Variants in CERS5 observed in about 807,000 individuals in gnomAD.
The protein encoded by CERS5 is LAG1 homolog, ceramide synthase 5.
Under a neutral mutation model 58.9 loss-of-function variants are expected in CERS5, and 37 were observed. The observed-to-expected ratio is 0.63, with a 90% CI of 0.48 to 0.83. The LOEUF (loss-of-function observed/expected upper bound fraction) is 0.83. CERS5 is among the 40% of genes least tolerant of loss of function. The pLI is 0.00. For synonymous variants in CERS5, 147 were observed against 177.8 expected (o/e 0.83, Z 1.38); for missense variants, 398 against 489.3 (o/e 0.81, Z 1.76).
At chr12:50,147,132 G>A (rs947467551) in intron 1 of CERS5, among the ~76,000 whole-genome samples, 4 of 151,590 alleles carry the variant, frequency 2.6e-5, no homozygotes, top group Admixed American at 6.6e-5. Flanking sequence ...GGCCAGGCGC[G>A]GTGGCTCATG....
intron 1 of CERS5, among the ~76,000 whole-genome samples, chr12:50,145,464 T>TG (rs1490590452): frequency 1.3e-5 from 2 of 152,112 alleles, no homozygotes; most frequent in African/African-American, 4.8e-5. Flanking sequence ...AGGTGTAAAA[T>TG]GGAGTGCCGT....
intron 1 of CERS5, chr12:50,147,344 A>C (rs6580728): frequency 6.7e-6 from 1 of 150,370 alleles, no homozygotes. Flanking sequence ...CGGAAATTAC[A>C]ATGAGCTGAG....
At chr12:50,136,593 A>T (rs909948644) in intron 6 of CERS5, among the ~76,000 whole-genome samples, 1 of 152,232 alleles carries the variant, frequency 6.6e-6, no homozygotes, top group African/African-American at 2.4e-5. Flanking sequence ...CAGAGGCCAG[A>T]AAGTAAAAAT....
At chr12:50,160,959 A>G (rs1939213395) in intron 1 of CERS5, among the ~76,000 whole-genome samples, 1 of 152,236 alleles carries the variant, frequency 6.6e-6, no homozygotes, top group Admixed American at 6.5e-5. Flanking sequence ...GTGAAATTTA[A>G]CAACAGAAAC....
rs190007720 is a variant in CERS5, at chr12:50,131,286, C to T, written c.1030-592G>A. Among the ~76,000 whole-genome samples, 441 of 152,194 alleles carry T rather than the reference C, an allele frequency of 2.9e-3. 3 individuals carry two copies. The highest frequency in any genetic ancestry group is 0.01 in the African/African-American group (425 of 41,526). On this transcript the variant is annotated intron_variant, in intron 9 of 9. Coordinates refer to ENST00000317551, the MANE Select transcript of CERS5 (RefSeq NM_147190.5). ...TGAAACTTCAGCATCCCTGGCTGGG[C>T]GTGGTGGCTCACGCCTGTAATCCCA...
At chr12:50,134,813 TC>T in intron 8 of CERS5, 111 bp from the exon 9 acceptor site, 1 of 959,552 alleles carries the variant, frequency 1.0e-6, no homozygotes, top group Non-Finnish European at 1.6e-6. Context: ...AGCCCTTTTA[TC>T]AGCTGAAGTT....
intron 9 of CERS5, among the ~76,000 whole-genome samples, chr12:50,131,327 G>A (rs936508987): frequency 6.6e-6 from 1 of 152,032 alleles, no homozygotes; most frequent in South Asian, 2.1e-4. Flanking sequence ...TTGGGAGGCC[G>A]AGGCAGGCGG....
chr12:50,139,665 TTCCTGTAG>T (rs1404751858), intron 4 of CERS5, among the ~76,000 whole-genome samples: 3 of 151,974 alleles, frequency 2.0e-5, no homozygotes, highest in Non-Finnish European at 4.4e-5. Context: ...TGGTGGCGTA[TTCCTGTAG>T]TCCCAGCTAC....
chr12:50,138,299 A>C (rs1951792862), intron 5 of CERS5, among the ~76,000 whole-genome samples: 1 of 151,960 alleles, frequency 6.6e-6, no homozygotes, highest in Non-Finnish European at 1.5e-5. Flanking sequence ...TTTTAGCCCA[A>C]TTAGGGGGAA....
intron 6 of CERS5, 60 bp from the exon 7 acceptor site, chr12:50,136,129 A>C: frequency 7.1e-7 from 1 of 1,405,824 alleles, no homozygotes; most frequent in Non-Finnish European, 9.4e-7. Flanking sequence ...ACACCAGCCA[A>C]CCCAACGTCC....
chr12:50,151,601 A>G (rs1937965493), intron 1 of CERS5, among the ~76,000 whole-genome samples: 1 of 152,280 alleles, frequency 6.6e-6, no homozygotes, highest in East Asian at 1.9e-4. Context: ...TAAACTTACT[A>G]AAGAGGATTC....
Position 50,130,467 on chromosome 12 carries a change from A to C in CERS5, c.*78T>G, listed in dbSNP as rs1385626130. 6.9e-6 allele frequency: 9 copies of C among 1,302,068 alleles called. No individual in the cohort carries two copies. The African/African-American group carries it at 1.3e-4, about 19-fold the overall frequency. 80.7% of individuals were successfully genotyped at this position (1,302,068 alleles called of 1,614,324 possible). A position where few individuals can be genotyped will look rare whatever the true frequency, so the allele number is the denominator to read the frequency against. On this transcript the variant is annotated 3_prime_UTR_variant, in exon 10 of 10. Coordinates refer to ENST00000317551, the MANE Select transcript of CERS5 (RefSeq NM_147190.5). ...CAGTCTCCCAATCACAGAAGAGTAG[A>C]TATGGGAAGGGCCAAGAGGAGTATG...
intron 6 of CERS5, among the ~76,000 whole-genome samples, chr12:50,136,381 G>A (rs778274619): frequency 2.0e-5 from 3 of 152,058 alleles, no homozygotes; most frequent in African/African-American, 7.2e-5. Context: ...GCTGAGGCAG[G>A]AGAATTGCTC....
chr12:50,144,014 T>C lies in CERS5; in HGVS notation c.241A>G (p.Ser81Gly). 1.2e-6 allele frequency: 2 copies of C among 1,613,350 alleles called. No individual in the cohort carries two copies. Among genetic ancestry groups the C allele is most frequent in the South Asian group, 1.1e-5 (1 of 91,058 alleles). Residue 81 changes from serine to glycine, a missense_variant, in exon 2 of 10, where the codon AGT becomes GGT. Ser to Gly is a moderately conservative substitution (Grantham distance 56). Around this residue, in one of 3 missense-constraint regions of CERS5, gnomAD observed 328 missense variants for 384.5 expected, o/e 0.85. Coordinates refer to ENST00000317551, the MANE Select transcript of CERS5 (RefSeq NM_147190.5). ...PCALCIGIED[S>G]GPYQAQPNAI... Reference sequence around the variant, plus strand: ...TTGGGTTGGGCCTGATAAGGACCACTGTCCTCGATGCCAATACAGAGTGCA... The same window carrying C: ...TTGGGTTGGGCCTGATAAGGACCACCGTCCTCGATGCCAATACAGAGTGCA...
Position 50,143,382 on chromosome 12 carries a change from G to A in CERS5, c.304-178C>T, listed in dbSNP as rs910804225. 9 of 637,458 alleles carry A rather than the reference G, an allele frequency of 1.4e-5. No homozygotes were observed. The African/African-American group carries it at 1.5e-4, about 11-fold the overall frequency. The allele number at this position is 637,458 out of a possible 1,614,324, so 39.5% of individuals were successfully genotyped here. A position where few individuals can be genotyped will look rare whatever the true frequency, so the allele number is the denominator to read the frequency against. On this transcript the variant is annotated intron_variant, in intron 2 of 9. Transcript: ENST00000317551. ...ATTTTATCTTACATATCAAGGACCTGTACTGCTCACCTATACATATCCTTT... is the reference window on the plus strand; with the variant it reads ...ATTTTATCTTACATATCAAGGACCTATACTGCTCACCTATACATATCCTTT...
chr12:50,159,582 T>A (rs1939041572), intron 1 of CERS5, among the ~76,000 whole-genome samples: 1 of 152,158 alleles, frequency 6.6e-6, no homozygotes, highest in Non-Finnish European at 1.5e-5. Context: ...GTGAGTCACA[T>A]ATGTAATTTA....
At position 50,160,070 on chromosome 12, in the gene CERS5, C is replaced by T. The variant is rs182678078; in HGVS notation, c.197+7031G>A. 3.7e-3 allele frequency among the ~76,000 whole-genome samples: 563 copies of T among 151,246 alleles called. 6 individuals are homozygous for T. Among genetic ancestry groups the T allele is most frequent in the African/African-American group, 0.012 (502 of 41,300 alleles). On this transcript the variant is annotated intron_variant, in intron 1 of 9. Coordinates refer to ENST00000317551, the MANE Select transcript of CERS5 (RefSeq NM_147190.5). ...CTGTAATCCCAGCACTTTGGGAGGC[C>T]GAGGTGGGTAGATCACCTGAGGTCA... is the stretch of plus-strand genomic sequence containing the variant.
At chr12:50,160,896 A>G (rs909236852) in intron 1 of CERS5, among the ~76,000 whole-genome samples, 23 of 152,248 alleles carry the variant, frequency 1.5e-4, no homozygotes, top group Non-Finnish European at 1.2e-4. Flanking sequence ...GTGTAAGAGG[A>G]AAGGGGAGAA....
intron 1 of CERS5, among the ~76,000 whole-genome samples, chr12:50,156,437 T>TATATATATATATATATATATATATATATA (rs1197474516): frequency 2.8e-5 from 3 of 108,852 alleles, no homozygotes; most frequent in Non-Finnish European, 6.2e-5. Context: ...TATATATATA[T>TATATATATATATATATATATATATATATA]AAAACAATTA....
Sources: gnomAD v4.1 joint callset for allele counts (sites outside exome capture counted in the v4.1 genomes callset) on GRCh38, gnomAD v4.1.1 for gene constraint, gnomAD v4.1.1 regional missense constraint, MANE v1.5 for transcripts, NCBI Gene and HGNC (gene_info 2026-07-23, HGNC 2026-07-21) for gene names.